Variants in ABCC1 observed in about 807,000 individuals in gnomAD.
ABCC1 encodes multidrug resistance-associated protein 1.
Under a neutral mutation model 172.9 loss-of-function variants are expected in ABCC1, and 83 were observed. The observed-to-expected ratio is 0.48, with a 90% CI of 0.40 to 0.58. The LOEUF (loss-of-function observed/expected upper bound fraction) is 0.58. ABCC1 is among the 20% of genes least tolerant of loss of function. ABCC1 has a pLI of 0.00. For synonymous variants in ABCC1, 937 were observed against 825.2 expected, an observed-to-expected ratio of 1.14 and a Z score of -2.32; for missense variants, 1,817 against 2,002.7, an observed-to-expected ratio of 0.91 and a Z score of 1.77.
intron 7 of ABCC1, among the ~76,000 whole-genome samples, chr16:16,043,358 G>T (rs2049064461): frequency 6.6e-6 from 1 of 151,296 alleles, no homozygotes; most frequent in Non-Finnish European, 1.5e-5. Context: ...GAGTGCAATG[G>T]TGTGGTCTCA....
intron 14 of ABCC1, among the ~76,000 whole-genome samples, chr16:16,073,240 G>A (rs970316652): frequency 1.3e-5 from 2 of 152,026 alleles, no homozygotes; most frequent in African/African-American, 4.8e-5. Flanking sequence ...TCTGAAACTT[G>A]CCTGAGATTG....
chr16:16,125,061 G>C, intron 25 of ABCC1, 146 bp downstream of exon 25: 2 of 1,148,822 alleles, frequency 1.7e-6, no homozygotes, highest in Non-Finnish European at 1.2e-6. Flanking sequence ...GTGCCACAGT[G>C]CCTGGTGACC....
chr16:16,111,106 C>G (rs955689494), intron 21 of ABCC1, among the ~76,000 whole-genome samples: 2 of 152,060 alleles, frequency 1.3e-5, no homozygotes, highest in Non-Finnish European at 2.9e-5. Context: ...GCCATATTGG[C>G]CAGGCTGGTC....
chr16:15,950,810 T>C (rs972581115), intron 1 of ABCC1, among the ~76,000 whole-genome samples: 10 of 152,010 alleles, frequency 6.6e-5, no homozygotes, highest in African/African-American at 2.4e-4. Context: ...TCTTAGGAGC[T>C]GGTGATCAGC....
chr16:15,974,892 T>G (rs2046449201), intron 1 of ABCC1, among the ~76,000 whole-genome samples: 1 of 152,170 alleles, frequency 6.6e-6, no homozygotes, highest in African/African-American at 2.4e-5. Flanking sequence ...GTTCAAGTGA[T>G]CCTCCCATCT....
At chr16:16,110,166 G>T (rs917499867) in intron 21 of ABCC1, among the ~76,000 whole-genome samples, 23 of 150,968 alleles carry the variant, frequency 1.5e-4, no homozygotes, top group Non-Finnish European at 3.4e-4. Flanking sequence ...TGTGCAGTAA[G>T]TTTGGCTTGG....
At chr16:16,062,582 T>G (rs2049962621) in intron 12 of ABCC1, among the ~76,000 whole-genome samples, 1 of 152,192 alleles carries the variant, frequency 6.6e-6, no homozygotes, top group Non-Finnish European at 1.5e-5. Context: ...AGACAGAGTT[T>G]GTTGAGCTGT....
chr16:16,082,128 G>A (rs1164520553), intron 16 of ABCC1, among the ~76,000 whole-genome samples: 2 of 152,184 alleles, frequency 1.3e-5, no homozygotes, highest in Admixed American at 1.3e-4. Context: ...TTCCCTCACA[G>A]GATTGATCGA....
chr16:15,966,056 T>A (rs1195889274), intron 1 of ABCC1, among the ~76,000 whole-genome samples: 1 of 152,056 alleles, frequency 6.6e-6, no homozygotes, highest in East Asian at 1.9e-4. Flanking sequence ...CAGCTCACCG[T>A]TCTAGCAGGG....
chr16:16,017,253 CAG>C (rs1355317583), intron 5 of ABCC1, among the ~76,000 whole-genome samples: 2 of 152,024 alleles, frequency 1.3e-5, no homozygotes, highest in East Asian at 1.9e-4. Context: ...TTTTTTGAGA[CAG>C]GGTTTTGCTC....
intron 1 of ABCC1, among the ~76,000 whole-genome samples, chr16:15,967,407 T>C (rs1302139985): frequency 6.6e-6 from 1 of 151,910 alleles, no homozygotes; most frequent in East Asian, 1.9e-4. Context: ...ATTGGACTGA[T>C]ATGTGGGGAG....
intron 22 of ABCC1, among the ~76,000 whole-genome samples, chr16:16,111,963 T>C (rs918820025): frequency 6.6e-6 from 1 of 152,100 alleles, no homozygotes; most frequent in Non-Finnish European, 1.5e-5. Flanking sequence ...AGGGCGGAAA[T>C]TGGCTTATAC....
intron 28 of ABCC1, 82 bp from the exon 29 acceptor site, chr16:16,136,396 G>T: frequency 1.3e-6 from 2 of 1,500,288 alleles, no homozygotes; most frequent in Admixed American, 1.9e-5. Flanking sequence ...CAACAGTCCT[G>T]GCCAGAAGTC....
chr16:16,052,845 A>G (rs1209539928), intron 11 of ABCC1, 29 bp downstream of exon 11: 1 of 1,608,182 alleles, frequency 6.2e-7, no homozygotes, highest in Admixed American at 1.7e-5. Context: ...CGGGCCCCCA[A>G]GCCGGGCCCT....
At chr16:16,124,501 T>C (rs2045349432) in intron 24 of ABCC1, among the ~76,000 whole-genome samples, 1 of 151,936 alleles carries the variant, frequency 6.6e-6, no homozygotes, top group South Asian at 2.1e-4. Context: ...AGTTGGTTCT[T>C]AAAAAGGCAA....
rs544465068 is a variant in ABCC1 at position 16,103,255 on chromosome 16, G to A, written c.2735+538G>A. On this transcript the variant is annotated intron_variant, in intron 20 of 30. Transcript: ENST00000399410. ...AGATCCCTGGGGATTTATAGCGTAT[G>A]CAGTATATTAACCATCCTAGCTTTT... 3.3e-5 allele frequency among the ~76,000 whole-genome samples: 5 copies of A among 152,268 alleles called. No individual in the cohort carries two copies. The East Asian group carries it at 9.7e-4, about 29-fold the overall frequency.
chr16:16,014,291 C>T (rs564259633), intron 3 of ABCC1, among the ~76,000 whole-genome samples, 200 bp from the exon 4 acceptor site: 2 of 152,140 alleles, frequency 1.3e-5, no homozygotes, highest in African/African-American at 4.8e-5. Context: ...ACTAAAAATA[C>T]AAAAATTAGC....
At chr16:16,111,661 A>C (rs537884127) in intron 22 of ABCC1, 79 bp downstream of exon 22, 2 of 1,349,654 alleles carry the variant, frequency 1.5e-6, no homozygotes. Context: ...GGATCCTTAG[A>C]GTCCTCAGCG....
chr16:16,137,545 CTTTTTTTTTTTTTTTTTTT>C (rs151237296), intron 29 of ABCC1, among the ~76,000 whole-genome samples: 1 of 56,634 alleles, frequency 1.8e-5, no homozygotes, highest in South Asian at 1.2e-3. Flanking sequence ...GGTATGAGGC[CTTTTTTTTTTTTTTTTTTT>C]TTTTTTTTTG....
Sources: gnomAD v4.1 joint callset for allele counts (sites outside exome capture counted in the v4.1 genomes callset) on GRCh38, gnomAD v4.1.1 for gene constraint, MANE v1.5 for transcripts, NCBI Gene and HGNC (gene_info 2026-07-23, HGNC 2026-07-21) for gene names.